TTC27: variants seen among roughly 807,000 people sequenced by gnomAD.
The protein encoded by TTC27 is tetratricopeptide repeat domain 27.
In TTC27, 79 loss-of-function variants were observed where a neutral mutation model predicts 115.9. The observed-to-expected ratio is 0.68, with a 90% CI of 0.57 to 0.82. TTC27 has a LOEUF of 0.82. Among genes scored for constraint, TTC27 ranks in the 40% least tolerant of loss-of-function variants. The pLI, the probability that TTC27 is intolerant of heterozygous loss-of-function variation, is 0.00. For missense variants in TTC27, 1,054 were observed against 993.1 expected, an observed-to-expected ratio of 1.06 and a Z score of -0.82; for synonymous variants, 401 against 356.0, an observed-to-expected ratio of 1.13 and a Z score of -1.42.
chr2:32,720,714 A>G (rs2151909593), intron 10 of TTC27, among the ~76,000 whole-genome samples: 1 of 152,334 alleles, frequency 6.6e-6, no homozygotes, highest in African/African-American at 2.4e-5. Flanking sequence ...AAGTAATAAG[A>G]GCCTGAAGTT....
chr2:32,631,266 G>T (rs774016072), intron 2 of TTC27, among the ~76,000 whole-genome samples: 3 of 152,106 alleles, frequency 2.0e-5, no homozygotes, highest in African/African-American at 7.2e-5. Flanking sequence ...TCCCGCCATT[G>T]CACTCTAGCC....
chr2:32,820,086 A>T (rs7609148), intron 19 of TTC27, among the ~76,000 whole-genome samples: 15,676 of 152,282 alleles, frequency 0.1, 966 homozygotes, highest in Middle Eastern at 0.18. Flanking sequence ...TGAAACAGAT[A>T]TTTGGCAAGC....
chr2:32,661,665 G>T lies in TTC27; in HGVS notation c.641-2638G>T, dbSNP rs558459868. 7.2e-5 allele frequency among the ~76,000 whole-genome samples: 11 copies of T among 152,250 alleles called. No individual in the cohort carries two copies. In the East Asian group the frequency reaches 1.7e-3, roughly 24 times the overall value. ...TTGCTTATCAGCTTAAGGAGATTTT[G>T]GGCTGAGACGATGGGGTTTTCTAAA... On this transcript the variant is annotated intron_variant, in intron 5 of 19. Transcript: ENST00000317907.
chr2:32,661,210 C>G (rs1188682840), intron 5 of TTC27, among the ~76,000 whole-genome samples: 1 of 152,088 alleles, frequency 6.6e-6, no homozygotes, highest in Non-Finnish European at 1.5e-5. Flanking sequence ...TGTGATGCCT[C>G]CAGCTTTGTT....
At chr2:32,698,138 A>G (rs1667055756) in intron 9 of TTC27, among the ~76,000 whole-genome samples, 1 of 151,920 alleles carries the variant, frequency 6.6e-6, no homozygotes, top group South Asian at 2.1e-4. Context: ...GAATATTATG[A>G]TTATTATTTT....
intron 10 of TTC27, among the ~76,000 whole-genome samples, chr2:32,724,455 G>T (rs1165933660): frequency 6.6e-6 from 1 of 152,240 alleles, no homozygotes; most frequent in Admixed American, 6.5e-5. Flanking sequence ...ACCAGACTGT[G>T]CTAGTAGTCA....
intron 8 of TTC27, among the ~76,000 whole-genome samples, chr2:32,675,802 T>A (rs1203543171): frequency 1.3e-5 from 2 of 152,012 alleles, no homozygotes; most frequent in East Asian, 3.9e-4. Flanking sequence ...TTTTGTTTTG[T>A]TTTTTTGAGA....
chr2:32,786,913 C>A, intron 15 of TTC27, 71 bp from the exon 16 acceptor site: 1 of 1,294,510 alleles, frequency 7.7e-7, no homozygotes. Context: ...GTATTTTATA[C>A]ATTTAGCTAT....
chr2:32,695,969 G>A (rs1487916677), intron 9 of TTC27, among the ~76,000 whole-genome samples: 5 of 150,078 alleles, frequency 3.3e-5, no homozygotes, highest in East Asian at 2.0e-4. Context: ...ATAAAAATAC[G>A]AAAATTAGCC....
At chr2:32,642,008 A>G (rs1456384902) in intron 4 of TTC27, among the ~76,000 whole-genome samples, 1 of 152,120 alleles carries the variant, frequency 6.6e-6, no homozygotes, top group Non-Finnish European at 1.5e-5. Context: ...GGCGGCTGCC[A>G]CGATGCATGG....
chr2:32,748,879 G>T (rs1047409921), intron 12 of TTC27, among the ~76,000 whole-genome samples: 1 of 151,822 alleles, frequency 6.6e-6, no homozygotes, highest in Non-Finnish European at 1.5e-5. Flanking sequence ...GTAGAGACGG[G>T]GTTTCACCAT....
At position 32,811,068 on chromosome 2, in the gene TTC27, T is replaced by C; in HGVS notation, c.2043T>C (p.Asp681=). ...LVRAVIDGMT[D]RSGDVATGLK... ...GGGCAGTGATTGATGGGATGACTGA[T>C]CGAAGTGGAGATGTTGCAACTGGCC... The change falls in exon 17 of 20, where the codon GAT becomes GAC. Residue 681 remains aspartate (D), a synonymous_variant. Coordinates refer to ENST00000317907, the MANE Select transcript of TTC27 (RefSeq NM_017735.5). The C allele has an allele frequency of 6.2e-7, 1 of 1,614,156 alleles. No homozygotes were observed. The highest frequency in any genetic ancestry group is 8.5e-7 in the Non-Finnish European group (1 of 1,180,008).
intron 4 of TTC27, among the ~76,000 whole-genome samples, chr2:32,643,847 C>T (rs1265728873): frequency 6.6e-6 from 1 of 151,794 alleles, no homozygotes; most frequent in Admixed American, 6.6e-5. Context: ...CCAGTCTGGC[C>T]AACATGGCGA....
At chr2:32,733,121 A>G (rs915439230) in intron 10 of TTC27, among the ~76,000 whole-genome samples, 13 of 152,158 alleles carry the variant, frequency 8.5e-5, no homozygotes, top group African/African-American at 3.1e-4. Flanking sequence ...TGACCACTGG[A>G]TAGCTCCAGC....
chr2:32,676,039 G>A (rs1288279904), intron 8 of TTC27, among the ~76,000 whole-genome samples: 7 of 151,970 alleles, frequency 4.6e-5, no homozygotes, highest in East Asian at 3.9e-4. Context: ...TGATCTACCC[G>A]CCTCAGCCTC....
chr2:32,669,867 C>T (rs1210017423), intron 7 of TTC27, among the ~76,000 whole-genome samples: 1 of 119,638 alleles, frequency 8.4e-6, no homozygotes, highest in Non-Finnish European at 1.6e-5. Context: ...GCCTAGGTGA[C>T]TAAGTGAGAC....
intron 16 of TTC27, among the ~76,000 whole-genome samples, chr2:32,806,780 A>G (rs1197105104): frequency 6.6e-6 from 1 of 152,176 alleles, no homozygotes; most frequent in African/African-American, 2.4e-5. Context: ...CTTTGTCTCA[A>G]AGAAAAAAAA....
At chr2:32,684,880 C>G (rs1050701818) in intron 9 of TTC27, among the ~76,000 whole-genome samples, 17 of 150,746 alleles carry the variant, frequency 1.1e-4, no homozygotes, top group African/African-American at 3.4e-4. Context: ...TCATAGTCAG[C>G]CTGGTGAAAA....
At chr2:32,698,701 C>A (rs541146589) in intron 9 of TTC27, among the ~76,000 whole-genome samples, 185 of 151,766 alleles carry the variant, frequency 1.2e-3, no homozygotes, top group African/African-American at 4.3e-3. Flanking sequence ...AGGATGGTCT[C>A]GATCTCCTGA....
Sources: gnomAD v4.1 joint callset for allele counts (sites outside exome capture counted in the v4.1 genomes callset) on GRCh38, gnomAD v4.1.1 for gene constraint, MANE v1.5 for transcripts, NCBI Gene and HGNC (gene_info 2026-07-23, HGNC 2026-07-21) for gene names.